The following NRXN1 variants were observed in gnomAD, a reference collection of about 807,000 sequenced individuals.
NRXN1 encodes neurexin-1.
A neutral mutation model predicts 150.9 loss-of-function variants in NRXN1; 39 were observed. The observed-to-expected ratio is 0.26, with a 90% CI of 0.20 to 0.34. The LOEUF is 0.34. Ranked by LOEUF, NRXN1 falls within the 10% of genes least tolerant of loss-of-function variation. The pLI, the probability that NRXN1 is intolerant of heterozygous loss-of-function variation, is 1.00. For missense variants in NRXN1, 1,815 were observed against 1,949.9 expected, an observed-to-expected ratio of 0.93 and a Z score of 1.30; for synonymous variants, 924 against 757.0, an observed-to-expected ratio of 1.22 and a Z score of -3.62.
chr2:50,948,876 C>G (rs11125329), intron 2 of NRXN1, among the ~76,000 whole-genome samples: 77,735 of 151,744 alleles, frequency 0.51, 20,312 homozygotes, highest in East Asian at 0.71. Context: ...CCCTTGGAGA[C>G]TTTCCAGAAT....
At chr2:50,242,346 A>G (rs1318299728) in intron 17 of NRXN1, among the ~76,000 whole-genome samples, 1 of 151,860 alleles carries the variant, frequency 6.6e-6, no homozygotes, top group Non-Finnish European at 1.5e-5. Flanking sequence ...GTATGCAAAA[A>G]GAGTTTTAGA....
chr2:50,592,078 T>C (rs1440404533), intron 8 of NRXN1, among the ~76,000 whole-genome samples: 2 of 152,222 alleles, frequency 1.3e-5, no homozygotes, highest in East Asian at 1.9e-4. Flanking sequence ...ACCTACTGTG[T>C]GTCAGTCATC....
chr2:50,077,951 C>G (rs1268452161), intron 19 of NRXN1, among the ~76,000 whole-genome samples: 1 of 151,866 alleles, frequency 6.6e-6, no homozygotes, highest in African/African-American at 2.4e-5. Context: ...ATTCATAAAG[C>G]TAAAAACAAA....
intron 17 of NRXN1, among the ~76,000 whole-genome samples, chr2:50,283,052 C>T (rs2152934904): frequency 6.6e-6 from 1 of 152,220 alleles, no homozygotes; most frequent in African/African-American, 2.4e-5. Context: ...ATTTTTGAGA[C>T]TTGTAAGCTC....
chr2:50,091,630 A>G, intron 18 of NRXN1, 136 bp from the exon 19 acceptor site: 3 of 853,834 alleles, frequency 3.5e-6, no homozygotes, highest in South Asian at 2.9e-5. Flanking sequence ...CTGAAAAACT[A>G]CATGTAGTAG....
intron 8 of NRXN1, among the ~76,000 whole-genome samples, chr2:50,567,772 T>C (rs537685597): frequency 6.6e-6 from 1 of 152,320 alleles, no homozygotes; most frequent in Non-Finnish European, 1.5e-5. Context: ...AATGCACTAC[T>C]AATTTTTAAG....
intron 2 of NRXN1, among the ~76,000 whole-genome samples, chr2:51,010,606 G>C (rs976195345): frequency 2.0e-5 from 3 of 151,894 alleles, no homozygotes; most frequent in Middle Eastern, 3.2e-3. Context: ...AGGTATTTCT[G>C]TTTAAAACCA....
intron 21 of NRXN1, among the ~76,000 whole-genome samples, chr2:49,955,096 C>T (rs1674688769): frequency 6.6e-6 from 1 of 152,068 alleles, no homozygotes; most frequent in Non-Finnish European, 1.5e-5. Flanking sequence ...TTATACATGA[C>T]ACTTGAATTT....
intron 17 of NRXN1, among the ~76,000 whole-genome samples, chr2:50,415,451 T>G (rs1457717835): frequency 1.3e-5 from 2 of 152,162 alleles, no homozygotes; most frequent in African/African-American, 4.8e-5. Flanking sequence ...TCTCATCATG[T>G]GATGATCAGA....
intron 18 of NRXN1, among the ~76,000 whole-genome samples, chr2:50,185,835 AT>A (rs2061034057): frequency 6.6e-6 from 1 of 152,116 alleles, no homozygotes; most frequent in Non-Finnish European, 1.5e-5. Flanking sequence ...ACTGCACATC[AT>A]TCATGTGAGC....
intron 21 of NRXN1, among the ~76,000 whole-genome samples, chr2:49,993,857 C>T (rs1244720270): frequency 6.6e-6 from 1 of 152,162 alleles, no homozygotes; most frequent in African/African-American, 2.4e-5. Flanking sequence ...ACCTTTACCT[C>T]ATTAACTTAT....
chr2:50,541,337 C>T (rs1043769597), intron 9 of NRXN1, among the ~76,000 whole-genome samples: 2 of 152,094 alleles, frequency 1.3e-5, no homozygotes, highest in Non-Finnish European at 2.9e-5. Flanking sequence ...AATTCATTGG[C>T]TTCCACAACC....
At chr2:50,360,782 C>T (rs1051376994) in intron 17 of NRXN1, among the ~76,000 whole-genome samples, 1 of 152,302 alleles carries the variant, frequency 6.6e-6, no homozygotes. Context: ...ATCTCCAGAA[C>T]TCTCCACCCC....
chr2:50,254,048 C>T (rs978395212), intron 17 of NRXN1, among the ~76,000 whole-genome samples: 5 of 151,848 alleles, frequency 3.3e-5, no homozygotes, highest in Admixed American at 2.0e-4. Context: ...TGGTCCTGGG[C>T]TTCTTTTGGT....
At chr2:50,355,387 T>A (rs1277581647) in intron 17 of NRXN1, among the ~76,000 whole-genome samples, 1 of 151,770 alleles carries the variant, frequency 6.6e-6, no homozygotes, top group Non-Finnish European at 1.5e-5. Flanking sequence ...ATCAAGACCT[T>A]TTTACCAGGT....
intron 8 of NRXN1, among the ~76,000 whole-genome samples, chr2:50,583,816 T>A (rs1368723596): frequency 6.6e-6 from 1 of 152,220 alleles, no homozygotes; most frequent in Non-Finnish European, 1.5e-5. Context: ...GCCATGCCTC[T>A]GGCACATGCA....
At chr2:50,892,453 T>A (rs1681210575) in intron 5 of NRXN1, among the ~76,000 whole-genome samples, 1 of 152,136 alleles carries the variant, frequency 6.6e-6, no homozygotes, top group Non-Finnish European at 1.5e-5. Context: ...CAGTATAATA[T>A]GTTTTTCCAT....
At chr2:49,982,894 A>C (rs1444724469) in intron 21 of NRXN1, among the ~76,000 whole-genome samples, 1 of 152,158 alleles carries the variant, frequency 6.6e-6, no homozygotes, top group Middle Eastern at 3.2e-3. Flanking sequence ...CAATCTGTTA[A>C]ACTACTTTTC....
chr2:50,193,039 T>C (rs1469447671), intron 18 of NRXN1, among the ~76,000 whole-genome samples: 2 of 152,346 alleles, frequency 1.3e-5, no homozygotes, highest in East Asian at 1.9e-4. Flanking sequence ...ACAAGATTAC[T>C]GTTCTCATGT....
Sources: gnomAD v4.1 joint callset for allele counts (sites outside exome capture counted in the v4.1 genomes callset) on GRCh38, gnomAD v4.1.1 for gene constraint, MANE v1.5 for transcripts, NCBI Gene and HGNC (gene_info 2026-07-23, HGNC 2026-07-21) for gene names.